HNMT: variants seen among roughly 807,000 people sequenced by gnomAD.
HNMT encodes the protein histamine N-methyltransferase.
A neutral mutation model predicts 32.1 loss-of-function variants in HNMT; 30 were observed. That is an observed-to-expected ratio of 0.93 (90% CI 0.70 to 1.27). The LOEUF (loss-of-function observed/expected upper bound fraction) is 1.27, where lower values mean the gene tolerates loss of function less well. Ranked by LOEUF, HNMT falls within the 50% of genes most tolerant of loss-of-function variation. The pLI is 0.00. For synonymous variants in HNMT, 125 were observed against 119.0 expected (o/e 1.05, Z -0.33); for missense variants, 327 against 346.0 (o/e 0.95, Z 0.43).
intron 2 of HNMT, among the ~76,000 whole-genome samples, chr2:137,992,512 C>A (rs566133511): frequency 6.6e-6 from 1 of 152,332 alleles, no homozygotes; most frequent in Non-Finnish European, 1.5e-5. Context: ...AGGCTTCCCC[C>A]ACCAACTCCA....
intron 4 of HNMT, among the ~76,000 whole-genome samples, chr2:138,003,734 A>G (rs1417176173): frequency 2.0e-5 from 3 of 152,074 alleles, no homozygotes; most frequent in Non-Finnish European, 4.4e-5. Flanking sequence ...AAACTGCCAG[A>G]TACTCATTTT....
chr2:137,976,191 G>A (rs1001294698), intron 2 of HNMT, among the ~76,000 whole-genome samples: 3 of 151,572 alleles, frequency 2.0e-5, no homozygotes, highest in Admixed American at 6.6e-5. Flanking sequence ...TCTTGAACCT[G>A]GGAGGAGGAG....
intron 2 of HNMT, among the ~76,000 whole-genome samples, chr2:137,976,936 T>C (rs1459726922): frequency 1.3e-5 from 2 of 152,162 alleles, no homozygotes; most frequent in African/African-American, 4.8e-5. Context: ...ACTGGAGTGA[T>C]TGTCATTAAA....
chr2:138,002,427 AT>A, intron 4 of HNMT: 1 of 895,006 alleles, frequency 1.1e-6, no homozygotes, highest in Non-Finnish European at 1.4e-6. Context: ...CAAGTTATCC[AT>A]TTTTAAAAAT....
At chr2:137,991,859 C>T (rs1456810703) in intron 2 of HNMT, 1 of 152,090 alleles carries the variant, frequency 6.6e-6, no homozygotes, top group African/African-American at 2.4e-5. Context: ...CGTTTGGAGG[C>T]CCCCATTGAA....
chr2:137,978,742 GTAT>G (rs1316269290), intron 2 of HNMT, among the ~76,000 whole-genome samples: 7 of 139,446 alleles, frequency 5.0e-5, no homozygotes, highest in African/African-American at 1.6e-4. Context: ...ATATAATATA[GTAT>G]TATACAATAC....
intron 4 of HNMT, among the ~76,000 whole-genome samples, chr2:138,003,215 C>A (rs1335162166): frequency 1.3e-5 from 2 of 149,732 alleles, no homozygotes; most frequent in Non-Finnish European, 3.0e-5. Context: ...GCACATGTAC[C>A]CTAAAACTTA....
At chr2:137,978,755 C>T (rs944864249) in intron 2 of HNMT, among the ~76,000 whole-genome samples, 1 of 139,308 alleles carries the variant, frequency 7.2e-6, no homozygotes, top group African/African-American at 2.6e-5. Context: ...TTATACAATA[C>T]ATATGATTAT....
intron 2 of HNMT, among the ~76,000 whole-genome samples, chr2:137,995,235 G>T (rs1216832324): frequency 3.3e-5 from 5 of 151,836 alleles, no homozygotes; most frequent in African/African-American, 1.2e-4. Flanking sequence ...CCAGGAGCTG[G>T]TTTTTTGAAA....
intron 2 of HNMT, among the ~76,000 whole-genome samples, chr2:137,995,852 G>C (rs544823335): frequency 4.6e-5 from 7 of 152,112 alleles, no homozygotes; most frequent in Non-Finnish European, 8.8e-5. Flanking sequence ...TGGGATGCAA[G>C]GCTGGTTCAA....
intron 1 of HNMT, 94 bp downstream of exon 1, chr2:137,964,722 C>A (rs1023649896): frequency 1.5e-6 from 2 of 1,302,320 alleles, no homozygotes; most frequent in Non-Finnish European, 2.2e-6. Context: ...AGGCTGGGCA[C>A]AGGGATAAGG....
intron 2 of HNMT, among the ~76,000 whole-genome samples, chr2:137,984,493 T>C (rs957167244): frequency 2.6e-5 from 4 of 152,222 alleles, no homozygotes; most frequent in African/African-American, 9.6e-5. Flanking sequence ...AATGTGCCTA[T>C]TAACTTTTTA....
At chr2:138,009,452 T>C (rs1215740969) in intron 5 of HNMT, among the ~76,000 whole-genome samples, 1 of 152,012 alleles carries the variant, frequency 6.6e-6, no homozygotes, top group African/African-American at 2.4e-5. Flanking sequence ...TGTGCACACA[T>C]GAACTTGTCT....
intron 2 of HNMT, among the ~76,000 whole-genome samples, chr2:137,977,430 A>G (rs1259181423): frequency 2.6e-5 from 4 of 152,074 alleles, no homozygotes; most frequent in African/African-American, 7.2e-5. Context: ...TCTTCATTTT[A>G]TAGATAGTGA....
intron 2 of HNMT, among the ~76,000 whole-genome samples, chr2:137,979,347 T>C (rs1402940781): frequency 6.6e-6 from 1 of 151,392 alleles, no homozygotes; most frequent in Middle Eastern, 3.2e-3. Context: ...CTCGGCTCAC[T>C]GCAAGCTCCG....
intron 5 of HNMT, among the ~76,000 whole-genome samples, chr2:138,009,605 T>C (rs528961273): frequency 2.3e-4 from 35 of 152,168 alleles, no homozygotes; most frequent in Middle Eastern, 3.4e-3. Flanking sequence ...TGGTCAGCTT[T>C]TGGAAAAATA....
intron 2 of HNMT, among the ~76,000 whole-genome samples, chr2:137,971,838 G>A (rs1680145740): frequency 1.3e-5 from 2 of 151,860 alleles, no homozygotes. Flanking sequence ...TTGGGTTAAT[G>A]CATTAATATA....
At chr2:137,996,397 A>G (rs1680995658) in intron 2 of HNMT, among the ~76,000 whole-genome samples, 1 of 152,244 alleles carries the variant, frequency 6.6e-6, no homozygotes. Context: ...ACAGAGCCAA[A>G]TCATGAATAA....
Position 138,014,224 on chromosome 2 carries a change from T to C in HNMT, c.*94T>C, listed in dbSNP as rs981966776. The C allele has an allele frequency of 4.9e-6, 4 of 812,774 alleles. No individual in the cohort carries two copies. The highest frequency in any genetic ancestry group is 7.7e-6 in the Non-Finnish European group (4 of 521,286). 50.3% of individuals were successfully genotyped at this position (812,774 alleles called of 1,614,324 possible). A position where few individuals can be genotyped will look rare whatever the true frequency, so the allele number is the denominator to read the frequency against. ...TTAAAATCACAAACTCATCCATTAA[T>C]GTAGATAAAGCACTGTTTGGATATG... On this transcript the variant is annotated 3_prime_UTR_variant, in exon 6 of 6. Transcript: ENST00000280097.
Sources: allele counts gnomAD v4.1 joint callset (sites outside exome capture counted in the v4.1 genomes callset), GRCh38; gene constraint gnomAD v4.1.1; transcripts MANE v1.5; gene names NCBI Gene and HGNC (gene_info 2026-07-23, HGNC 2026-07-21).